Variants in PSMD1 observed in about 807,000 individuals in gnomAD.
PSMD1 encodes the protein 26S proteasome non-ATPase regulatory subunit 1.
PSMD1 carries 18 observed loss-of-function variants against 119.0 expected under a neutral mutation model. The observed-to-expected ratio is 0.15, with a 90% confidence interval of 0.10 to 0.22. PSMD1 has a LOEUF of 0.22. Ranked by LOEUF, PSMD1 falls within the 10% of genes least tolerant of loss-of-function variation. PSMD1 has a pLI of 1.00. For missense variants in PSMD1, 702 were observed against 1,158.5 expected, an observed-to-expected ratio of 0.61 and a Z score of 5.72; for synonymous variants, 374 against 396.6, an observed-to-expected ratio of 0.94 and a Z score of 0.68.
At chr2:231,150,420 A>G (rs1004719625) in intron 18 of PSMD1, among the ~76,000 whole-genome samples, 2 of 151,276 alleles carry the variant, frequency 1.3e-5, no homozygotes, top group Non-Finnish European at 3.0e-5. Flanking sequence ...ATAGACATAT[A>G]TATAGAGACA....
At chr2:231,133,972 T>G (rs1287776794) in intron 16 of PSMD1, among the ~76,000 whole-genome samples, 1 of 152,218 alleles carries the variant, frequency 6.6e-6, no homozygotes, top group African/African-American at 2.4e-5. Context: ...AAGATGACTG[T>G]TAGTTACAAA....
chr2:231,126,297 C>T (rs942611463), intron 16 of PSMD1, among the ~76,000 whole-genome samples: 4 of 151,776 alleles, frequency 2.6e-5, no homozygotes, highest in Non-Finnish European at 5.9e-5. Context: ...AGCTACTGGG[C>T]GGCGGCGGAG....
At chr2:231,154,708 G>C (rs974004391) in intron 19 of PSMD1, among the ~76,000 whole-genome samples, 3 of 152,162 alleles carry the variant, frequency 2.0e-5, no homozygotes, top group African/African-American at 7.2e-5. Context: ...GACTCGAGCA[G>C]TGTTCCCACC....
chr2:231,109,347 T>G (rs1695079427), intron 16 of PSMD1: 2 of 1,614,016 alleles, frequency 1.2e-6, no homozygotes, highest in Non-Finnish European at 1.7e-6. Flanking sequence ...AGCACACAAG[T>G]GATATTGTTT....
chr2:231,087,848 G>A (rs868080392), intron 16 of PSMD1, among the ~76,000 whole-genome samples: 10 of 152,030 alleles, frequency 6.6e-5, no homozygotes, highest in African/African-American at 1.7e-4. Context: ...TGTAATCTCA[G>A]CTACTCGGGA....
intron 16 of PSMD1, among the ~76,000 whole-genome samples, chr2:231,119,906 A>G (rs1695475839): frequency 6.7e-6 from 1 of 150,254 alleles, no homozygotes; most frequent in Non-Finnish European, 1.5e-5. Flanking sequence ...TAAATAAACC[A>G]ATAACACCCA....
rs904145950 is a variant in PSMD1, at chr2:231,170,059, T to C, written c.2716-507T>C. Among the ~76,000 whole-genome samples the C allele has an allele frequency of 2.6e-5, 4 of 152,204 alleles. No individual in the cohort carries two copies. The highest frequency in any genetic ancestry group is 6.5e-5 in the Admixed American group (1 of 15,280). Reference sequence around the variant, plus strand: ...TTCAAAATGATTATCATCTCACAAATCATACAGTGTGCATTAGACTGCTTC... The same window carrying C: ...TTCAAAATGATTATCATCTCACAAACCATACAGTGTGCATTAGACTGCTTC... On this transcript the variant is annotated intron_variant, in intron 23 of 24. Coordinates refer to ENST00000308696, the MANE Select transcript of PSMD1 (RefSeq NM_002807.4). The surrounding 1 kb of genome is among the most constrained non-coding windows in gnomAD (Gnocchi z 4.1).
At chr2:231,140,456 A>G (rs914459781) in intron 17 of PSMD1, among the ~76,000 whole-genome samples, 1 of 139,014 alleles carries the variant, frequency 7.2e-6, no homozygotes, top group Non-Finnish European at 1.5e-5. Flanking sequence ...AAATCCCGCT[A>G]TTGCACTTCA....
At chr2:231,171,372 G>A (rs190079177) in intron 24 of PSMD1, among the ~76,000 whole-genome samples, 3 of 152,262 alleles carry the variant, frequency 2.0e-5, no homozygotes, top group Admixed American at 6.5e-5. Context: ...CTATATCAGT[G>A]TCTTAACAGT....
intron 17 of PSMD1, among the ~76,000 whole-genome samples, chr2:231,143,635 T>C (rs1696182439): frequency 6.6e-6 from 1 of 152,244 alleles, no homozygotes; most frequent in African/African-American, 2.4e-5. Flanking sequence ...CAAATGCTGG[T>C]ATAAACAACA....
At chr2:231,075,453 G>A in intron 7 of PSMD1, 58 bp from the exon 8 acceptor site, 1 of 1,450,078 alleles carries the variant, frequency 6.9e-7, no homozygotes, top group Non-Finnish European at 9.6e-7. Flanking sequence ...GTTCAGATCT[G>A]TGGTATAAAC....
chr2:231,132,600 C>T (rs909845000), intron 16 of PSMD1, among the ~76,000 whole-genome samples: 1 of 152,146 alleles, frequency 6.6e-6, no homozygotes, highest in Non-Finnish European at 1.5e-5. Flanking sequence ...TCCTCTACCA[C>T]TCCACCGACT....
At chr2:231,151,240 A>C (rs901647690) in intron 18 of PSMD1, among the ~76,000 whole-genome samples, 1 of 151,886 alleles carries the variant, frequency 6.6e-6, no homozygotes, top group African/African-American at 2.4e-5. Flanking sequence ...CTTAATCCTC[A>C]CCCTGATTAC....
chr2:231,107,601 G>C (rs181385879), intron 16 of PSMD1, among the ~76,000 whole-genome samples: 4 of 152,302 alleles, frequency 2.6e-5, no homozygotes, highest in East Asian at 1.9e-4. Flanking sequence ...TTAATCAGCT[G>C]TCTGGTAAGT....
intron 21 of PSMD1, 68 bp downstream of exon 21, chr2:231,163,795 T>C (rs1696694578): frequency 6.5e-6 from 7 of 1,084,530 alleles, no homozygotes; most frequent in Non-Finnish European, 9.5e-6. Flanking sequence ...TTTTACTTTT[T>C]CTTTAACTAT....
intron 16 of PSMD1, among the ~76,000 whole-genome samples, chr2:231,127,351 G>A (rs1308330857): frequency 1.3e-5 from 2 of 150,896 alleles, no homozygotes; most frequent in South Asian, 2.1e-4. Context: ...CTTTTTTTGT[G>A]TTTGTTTTTG....
At chr2:231,062,730 G>A in intron 4 of PSMD1, 55 bp downstream of exon 4, 2 of 1,368,052 alleles carry the variant, frequency 1.5e-6, no homozygotes, top group African/African-American at 1.5e-5. Context: ...TCTTGCTGTA[G>A]TGCACATAGA....
At chr2:231,121,228 T>C (rs1574749990) in intron 16 of PSMD1, among the ~76,000 whole-genome samples, 1 of 152,280 alleles carries the variant, frequency 6.6e-6, no homozygotes, top group East Asian at 1.9e-4. Flanking sequence ...ATTTTGTAAT[T>C]AGAAATTAAC....
rs528402086 is a variant in PSMD1, at chr2:231,057,236, A to G, written c.16+195A>G. Reference sequence around the variant, plus strand: ...CTGCGTGCTTCTCTGGCTTGAGGGAATCGAGCCGGGTCGACCGCCTCGGCA... The same window carrying G: ...CTGCGTGCTTCTCTGGCTTGAGGGAGTCGAGCCGGGTCGACCGCCTCGGCA... On this transcript the variant is annotated intron_variant, in intron 1 of 24. Coordinates refer to ENST00000308696, the MANE Select transcript of PSMD1 (RefSeq NM_002807.4). Among the ~76,000 whole-genome samples, 296 of 151,876 alleles carry G rather than the reference A, an allele frequency of 1.9e-3. 1 individual carries two copies. Among genetic ancestry groups the G allele is most frequent in the Non-Finnish European group, 2.8e-3 (193 of 67,856 alleles).
Sources: allele counts gnomAD v4.1 joint callset (sites outside exome capture counted in the v4.1 genomes callset), GRCh38; gene constraint gnomAD v4.1.1; non-coding constraint Gnocchi (gnomAD v3.1); transcripts MANE v1.5; gene names NCBI Gene and HGNC (gene_info 2026-07-23, HGNC 2026-07-21).